THSD7B: variants seen among roughly 807,000 people sequenced by gnomAD.
THSD7B encodes thrombospondin type 1 domain containing 7B, also known as thrombospondin type-1 domain-containing protein 7B.
THSD7B carries 138 observed loss-of-function variants against 213.6 expected under a neutral mutation model. The observed-to-expected ratio is 0.65, with a 90% confidence interval of 0.56 to 0.74. The LOEUF (loss-of-function observed/expected upper bound fraction) is 0.74, where lower values mean the gene tolerates loss of function less well. Among genes scored for constraint, THSD7B ranks in the 30% least tolerant of loss-of-function variants. The pLI is 0.00. For synonymous variants in THSD7B, 742 were observed against 687.0 expected (o/e 1.08, Z -1.25); for missense variants, 1,931 against 1,991.5 (o/e 0.97, Z 0.58).
At chr2:137,524,759 G>A (rs1223613392) in intron 15 of THSD7B, among the ~76,000 whole-genome samples, 1 of 152,152 alleles carries the variant, frequency 6.6e-6, no homozygotes, top group Non-Finnish European at 1.5e-5. Context: ...TTCTTAGGAT[G>A]AATATTCCAT....
At position 137,056,997 on chromosome 2, in the gene THSD7B, T is replaced by G. The variant is rs764866181; in HGVS notation, c.717T>G (p.Tyr239Ter). The change falls in exon 3 of 28, where the codon TAT (tyrosine) becomes TAG (stop). Residue 239 changes from tyrosine (Y) to a stop codon, truncating the protein, a stop_gained. Coordinates refer to ENST00000409968, the MANE Select transcript of THSD7B (RefSeq NM_001316349.2). LOFTEE classifies it high-confidence loss of function. Reference sequence around the variant, plus strand: ...CCTGTCCTCTTGGGGAAGAGGAATATACATTTAGCCTTAAGGTTGGACCAT... The same window carrying G: ...CCTGTCCTCTTGGGGAAGAGGAATAGACATTTAGCCTTAAGGTTGGACCAT... ...PISCPLGEEE[Y>*]TFSLKVGPWS... The G allele has an allele frequency of 6.2e-7, 1 of 1,613,954 alleles. No individual in the cohort carries two copies. Among genetic ancestry groups the G allele is most frequent in the Non-Finnish European group, 8.5e-7 (1 of 1,179,878 alleles).
chr2:136,990,633 G>A (rs966580424), intron 2 of THSD7B, among the ~76,000 whole-genome samples: 2 of 150,104 alleles, frequency 1.3e-5, no homozygotes, highest in African/African-American at 4.8e-5. Context: ...GCAAAATGTG[G>A]GGGAAAATGG....
At chr2:137,435,488 T>C (rs1457465418) in intron 14 of THSD7B, among the ~76,000 whole-genome samples, 1 of 152,158 alleles carries the variant, frequency 6.6e-6, no homozygotes, top group Non-Finnish European at 1.5e-5. Context: ...TACTGTTTTC[T>C]CCATTCCAGC....
rs141625153 is a variant in THSD7B, at chr2:136,857,605, C to T, written c.-35-24539C>T. Among the ~76,000 whole-genome samples, 24 of 143,126 alleles carry T rather than the reference C, an allele frequency of 1.7e-4. No individual in the cohort carries two copies. In the East Asian group the frequency reaches 4.3e-3, roughly 25 times the overall value. 93.9% of individuals were successfully genotyped at this position (143,126 alleles called of 152,430 possible). On this transcript the variant is annotated intron_variant, in intron 1 of 27. Coordinates refer to ENST00000409968, the MANE Select transcript of THSD7B (RefSeq NM_001316349.2). ...TTTATATAATTCATTATATGTAACA[C>T]ACCACATGCACACACACACAAACAC...
intron 12 of THSD7B, among the ~76,000 whole-genome samples, chr2:137,366,232 A>G (rs942034997): frequency 3.9e-5 from 6 of 151,974 alleles, no homozygotes; most frequent in African/African-American, 1.4e-4. Context: ...CACACACTGG[A>G]GCCTGTCATG....
chr2:136,825,695 G>T (rs1682634331), intron 1 of THSD7B, among the ~76,000 whole-genome samples: 1 of 137,630 alleles, frequency 7.3e-6, no homozygotes, highest in Non-Finnish European at 1.5e-5. Context: ...GGGACTACAG[G>T]TGCTCACTGC....
intron 2 of THSD7B, among the ~76,000 whole-genome samples, chr2:136,913,207 A>G (rs1684296969): frequency 6.6e-6 from 1 of 152,232 alleles, no homozygotes; most frequent in Admixed American, 6.5e-5. Flanking sequence ...CCTGCCCTAG[A>G]GATTTGTGAA....
At chr2:137,650,041 G>C (rs1241651469) in intron 21 of THSD7B, among the ~76,000 whole-genome samples, 1 of 152,156 alleles carries the variant, frequency 6.6e-6, no homozygotes, top group East Asian at 1.9e-4. Context: ...GGTCGAGGCT[G>C]TAATGAGTCC....
At chr2:137,153,979 G>A (rs12616991) in intron 5 of THSD7B, among the ~76,000 whole-genome samples, 2 of 151,948 alleles carry the variant, frequency 1.3e-5, no homozygotes, top group East Asian at 1.9e-4. Flanking sequence ...ATTTCCTTTC[G>A]GGTTTACAGT....
chr2:137,155,383 T>C (rs1679893157), intron 5 of THSD7B, among the ~76,000 whole-genome samples: 1 of 152,212 alleles, frequency 6.6e-6, no homozygotes, highest in African/African-American at 2.4e-5. Context: ...TCCTAGGGCC[T>C]CATTGCATTA....
chr2:137,211,858 T>C (rs1681120066), intron 7 of THSD7B, among the ~76,000 whole-genome samples: 1 of 152,108 alleles, frequency 6.6e-6, no homozygotes, highest in Non-Finnish European at 1.5e-5. Context: ...AAGGTAAGAA[T>C]GCAAATTAGC....
chr2:137,661,616 C>G (rs550442131), intron 25 of THSD7B, among the ~76,000 whole-genome samples: 1 of 152,142 alleles, frequency 6.6e-6, no homozygotes, highest in Non-Finnish European at 1.5e-5. Flanking sequence ...TATGCTTGTA[C>G]TGAGGCAAGT....
At chr2:137,323,358 C>T (rs988789076) in intron 12 of THSD7B, among the ~76,000 whole-genome samples, 9 of 152,172 alleles carry the variant, frequency 5.9e-5, no homozygotes, top group Non-Finnish European at 1.0e-4. Context: ...TCCTGTCCCC[C>T]ATGAGAAGCT....
chr2:137,462,006 C>CTTTAATGAAATTCTTTAATGAAAT (rs1178238502), intron 15 of THSD7B, among the ~76,000 whole-genome samples: 1 of 152,160 alleles, frequency 6.6e-6, no homozygotes, highest in Non-Finnish European at 1.5e-5. Flanking sequence ...TGAAATTATA[C>CTTTAATGAAATTCTTTAATGAAAT]ATAGTAATCT....
intron 2 of THSD7B, among the ~76,000 whole-genome samples, chr2:136,899,430 G>A (rs1013973468): frequency 6.6e-5 from 10 of 151,976 alleles, no homozygotes; most frequent in African/African-American, 1.7e-4. Flanking sequence ...TTTTCTTCTG[G>A]GAACATGTGT....
Position 136,859,901 on chromosome 2 carries a change from C to A in THSD7B, c.-35-22243C>A, listed in dbSNP as rs75610188. ...GACCATCCCTTTTCCCTTTGTGTATCAGTGGATGATGAGAGAACAGTAAGA... is the reference window on the plus strand; with the variant it reads ...GACCATCCCTTTTCCCTTTGTGTATAAGTGGATGATGAGAGAACAGTAAGA... On this transcript the variant is annotated intron_variant, in intron 1 of 27. Transcript: ENST00000409968. 4.0e-3 allele frequency among the ~76,000 whole-genome samples: 604 copies of A among 152,022 alleles called. 22 individuals are homozygous for A. In the East Asian group the frequency reaches 0.088, roughly 22 times the overall value.
At chr2:137,172,552 T>G (rs1228167191) in intron 7 of THSD7B, among the ~76,000 whole-genome samples, 1 of 152,228 alleles carries the variant, frequency 6.6e-6, no homozygotes, top group African/African-American at 2.4e-5. Flanking sequence ...TACCTTGCCC[T>G]GTGCATCTTT....
intron 17 of THSD7B, 31 bp from the exon 18 acceptor site, chr2:137,616,144 C>T: frequency 6.2e-7 from 1 of 1,603,594 alleles, no homozygotes; most frequent in Non-Finnish European, 8.5e-7. Flanking sequence ...AACTTGCCCA[C>T]AGTCAACTTT....
At chr2:137,228,935 G>A (rs1179185068) in intron 7 of THSD7B, among the ~76,000 whole-genome samples, 1 of 152,084 alleles carries the variant, frequency 6.6e-6, no homozygotes, top group Non-Finnish European at 1.5e-5. Flanking sequence ...GTTCTTTAAT[G>A]TAGAGTTTTC....
Sources: gnomAD v4.1 joint callset for allele counts (sites outside exome capture counted in the v4.1 genomes callset) on GRCh38, gnomAD v4.1.1 for gene constraint, MANE v1.5 for transcripts, NCBI Gene and HGNC (gene_info 2026-07-23, HGNC 2026-07-21) for gene names.